Variants in HK2 observed in about 807,000 individuals in gnomAD.
HK2 encodes the protein hexokinase 2.
A neutral mutation model predicts 92.9 loss-of-function variants in HK2; 42 were observed. That is an observed-to-expected ratio of 0.45 (90% CI 0.35 to 0.58). HK2 has a LOEUF of 0.58. Ranked by LOEUF, HK2 falls within the 20% of genes least tolerant of loss-of-function variation. HK2 has a pLI of 0.00. For synonymous variants in HK2, 422 were observed against 468.0 expected (o/e 0.90, Z 1.27); for missense variants, 978 against 1,245.1 (o/e 0.79, Z 3.23).
chr2:74,852,814 G>A (rs1466368183), intron 1 of HK2, among the ~76,000 whole-genome samples: 1 of 152,206 alleles, frequency 6.6e-6, no homozygotes, highest in African/African-American at 2.4e-5. Context: ...ACTAGGGAGA[G>A]TTGCCTCCGC....
At position 74,834,625 on chromosome 2, in the gene HK2, C is replaced by G. The variant is rs1688104562; in HGVS notation, c.45C>G (p.Asn15Lys). The change falls in exon 1 of 18, where the codon AAC becomes AAG. Residue 15 changes from asparagine (N) to lysine (K), a missense_variant. Physicochemically the swap from Asn to Lys is moderately conservative, Grantham distance 94. Coordinates refer to ENST00000290573, the MANE Select transcript of HK2 (RefSeq NM_000189.5). The surrounding 1 kb of genome is among the most constrained non-coding windows in gnomAD (Gnocchi z 4.2). ...HLLAYFFTEL[N>K]HDQVQKVDQY... ...TTGCCTACTTCTTCACGGAGCTCAACCATGACCAAGTGCAGAAGGTAAGTC... is the reference window on the plus strand; with the variant it reads ...TTGCCTACTTCTTCACGGAGCTCAAGCATGACCAAGTGCAGAAGGTAAGTC... 2.5e-6 allele frequency: 4 copies of G among 1,613,850 alleles called. No homozygotes were observed. Among genetic ancestry groups the G allele is most frequent in the Admixed American group, 1.7e-5 (1 of 60,010 alleles).
At chr2:74,877,907 A>G (rs1030497412) in intron 8 of HK2, among the ~76,000 whole-genome samples, 3 of 152,066 alleles carry the variant, frequency 2.0e-5, no homozygotes, top group Non-Finnish European at 4.4e-5. Context: ...TGAGATTTCC[A>G]CTTGTAGATT....
chr2:74,853,685 C>T (rs1487918211), intron 1 of HK2, among the ~76,000 whole-genome samples: 3 of 149,840 alleles, frequency 2.0e-5, no homozygotes, highest in South Asian at 2.1e-4. Context: ...ACAACTGGAG[C>T]GATACCCTGT....
intron 7 of HK2, among the ~76,000 whole-genome samples, chr2:74,874,832 C>T (rs953303413): frequency 2.6e-5 from 4 of 152,114 alleles, no homozygotes; most frequent in African/African-American, 9.7e-5. Flanking sequence ...TTCATAGCTC[C>T]AACTCCATCA....
rs543050312 is a variant in HK2 at position 74,837,446 on chromosome 2, A to G, written c.63+2803A>G. Among the ~76,000 whole-genome samples the G allele has an allele frequency of 4.6e-5, 7 of 152,216 alleles. No individual in the cohort carries two copies. The South Asian group carries it at 1.5e-3, about 32-fold the overall frequency. ...TGGCTACTCCAGCTGAGAGTCCTGG[A>G]TTCATTTTCATCAACTCTCTAACTC... On this transcript the variant is annotated intron_variant, in intron 1 of 17. Transcript: ENST00000290573.
intron 17 of HK2, among the ~76,000 whole-genome samples, chr2:74,890,382 G>A (rs1422989904): frequency 1.3e-5 from 2 of 152,214 alleles, no homozygotes; most frequent in Non-Finnish European, 2.9e-5. Flanking sequence ...TATGCGCCAG[G>A]AAAATAGAAA....
intron 2 of HK2, among the ~76,000 whole-genome samples, chr2:74,857,488 T>C (rs1688721731): frequency 6.6e-6 from 1 of 152,094 alleles, no homozygotes; most frequent in African/African-American, 2.4e-5. Flanking sequence ...GGCTGAATAA[T>C]GTTCATTACA....
At chr2:74,855,608 T>C (rs1467441017) in intron 2 of HK2, among the ~76,000 whole-genome samples, 2 of 152,166 alleles carry the variant, frequency 1.3e-5, no homozygotes, top group East Asian at 3.9e-4. Flanking sequence ...ACGGTGGAGA[T>C]TCAAGTTGGA....
At chr2:74,840,250 C>T (rs935750164) in intron 1 of HK2, among the ~76,000 whole-genome samples, 1 of 151,106 alleles carries the variant, frequency 6.6e-6, no homozygotes, top group Non-Finnish European at 1.5e-5. Context: ...TGAGCCACCG[C>T]GCCAGGCATT....
rs1365742810 is a variant in HK2, at chr2:74,892,865, T to C, written c.*1924T>C. On this transcript the variant is annotated 3_prime_UTR_variant, in exon 18 of 18. Transcript: ENST00000290573. ...GCTTTGCTGTCTGGTGTAGCTCCTC[T>C]GCTGCTCCCATCTGCACTAATTGAC... is the stretch of plus-strand genomic sequence containing the variant. 2 of 152,174 alleles carry C rather than the reference T, an allele frequency of 1.3e-5. No individual in the cohort carries two copies. The highest frequency in any genetic ancestry group is 2.9e-5 in the Non-Finnish European group (2 of 68,034). 9.4% of individuals were successfully genotyped at this position (152,174 alleles called of 1,614,324 possible). A position where few individuals can be genotyped will look rare whatever the true frequency, so the allele number is the denominator to read the frequency against.
intron 1 of HK2, among the ~76,000 whole-genome samples, chr2:74,851,520 G>A (rs1393189312): frequency 6.6e-6 from 1 of 152,214 alleles, no homozygotes; most frequent in East Asian, 1.9e-4. Context: ...AACTAAGATT[G>A]GCTGTCGTAG....
At chr2:74,879,085 G>A (rs1033300654) in intron 9 of HK2, among the ~76,000 whole-genome samples, 164 bp downstream of exon 9, 2 of 152,176 alleles carry the variant, frequency 1.3e-5, no homozygotes, top group African/African-American at 4.8e-5. Context: ...GGGGGAATGG[G>A]AGGAAGTCAT....
intron 2 of HK2, among the ~76,000 whole-genome samples, chr2:74,859,475 A>G (rs1335232638): frequency 6.6e-6 from 1 of 152,188 alleles, no homozygotes; most frequent in Non-Finnish European, 1.5e-5. Context: ...TCACAAGGTC[A>G]GGAGATCGAG....
At chr2:74,855,056 A>T (rs1297340229) in intron 2 of HK2, among the ~76,000 whole-genome samples, 1 of 152,124 alleles carries the variant, frequency 6.6e-6, no homozygotes, top group Non-Finnish European at 1.5e-5. Context: ...GCGTGCAATG[A>T]TGCGATCTCG....
At chr2:74,837,547 C>T (rs1327703737) in intron 1 of HK2, among the ~76,000 whole-genome samples, 1 of 152,164 alleles carries the variant, frequency 6.6e-6, no homozygotes, top group Non-Finnish European at 1.5e-5. Context: ...CAGACTGGAT[C>T]ATTTCAGGAG....
chr2:74,869,272 A>G (rs991357234), intron 3 of HK2, among the ~76,000 whole-genome samples: 1 of 152,216 alleles, frequency 6.6e-6, no homozygotes, highest in Non-Finnish European at 1.5e-5. Context: ...AAGGAATAGG[A>G]AGACTGCTGT....
intron 1 of HK2, among the ~76,000 whole-genome samples, chr2:74,840,111 A>G (rs972845628): frequency 8.0e-5 from 12 of 150,066 alleles, no homozygotes; most frequent in Non-Finnish European, 1.2e-4. Flanking sequence ...GCCCACCACC[A>G]TGTCCGGTTA....
intron 1 of HK2, chr2:74,835,106 A>G (rs1688124811): frequency 8.0e-6 from 2 of 249,964 alleles, no homozygotes; most frequent in Admixed American, 5.0e-5. Flanking sequence ...GACCGCGTGT[A>G]GGAGACGAGC....
chr2:74,847,397 G>C (rs2103858676), intron 1 of HK2, among the ~76,000 whole-genome samples: 1 of 152,288 alleles, frequency 6.6e-6, no homozygotes, highest in East Asian at 1.9e-4. Flanking sequence ...AACTTGACAG[G>C]CCAGGTGTGG....
Sources: allele counts gnomAD v4.1 joint callset (sites outside exome capture counted in the v4.1 genomes callset), GRCh38; gene constraint gnomAD v4.1.1; non-coding constraint Gnocchi (gnomAD v3.1); transcripts MANE v1.5; gene names NCBI Gene and HGNC (gene_info 2026-07-23, HGNC 2026-07-21).